Variants in LMNB1 observed in about 807,000 individuals in gnomAD.
The protein encoded by LMNB1 is lamin-B1.
Under a neutral mutation model 67.1 loss-of-function variants are expected in LMNB1, and 23 were observed. The ratio of observed to expected loss-of-function variants is 0.34; its 90% CI spans 0.25 to 0.49. LMNB1 has a LOEUF of 0.49. Among genes scored for constraint, LMNB1 ranks in the 20% least tolerant of loss-of-function variants. The pLI, the probability that LMNB1 is intolerant of heterozygous loss-of-function variation, is 0.99. For missense variants in LMNB1, 634 were observed against 746.5 expected (o/e 0.85, Z 1.76); for synonymous variants, 281 against 282.9 (o/e 0.99, Z 0.07).
chr5:126,819,593 C>T (rs1256439436), intron 6 of LMNB1, among the ~76,000 whole-genome samples: 3 of 151,796 alleles, frequency 2.0e-5, no homozygotes, highest in African/African-American at 7.3e-5. Context: ...TGGTTTCAAG[C>T]GATTTGCCTA....
chr5:126,816,802 G>A (rs573037896), intron 5 of LMNB1, among the ~76,000 whole-genome samples: 4 of 152,318 alleles, frequency 2.6e-5, no homozygotes, highest in Admixed American at 1.3e-4. Context: ...TTAAGTGCCC[G>A]TTTTGTCACA....
At chr5:126,805,032 AT>A (rs1027081710) in intron 2 of LMNB1, 100 bp downstream of exon 2, 1 of 1,074,592 alleles carries the variant, frequency 9.3e-7, no homozygotes, top group Non-Finnish European at 1.3e-6. Context: ...AATGTATTTT[AT>A]TTTTGAAATT....
chr5:126,778,285 A>G (rs1188717748), intron 1 of LMNB1, among the ~76,000 whole-genome samples: 1 of 151,992 alleles, frequency 6.6e-6, no homozygotes, highest in Non-Finnish European at 1.5e-5. Context: ...GGCGCGAGAC[A>G]AAGCGTCTAG....
chr5:126,825,783 A>G (rs1300892153), intron 8 of LMNB1, among the ~76,000 whole-genome samples: 1 of 152,188 alleles, frequency 6.6e-6, no homozygotes, highest in Non-Finnish European at 1.5e-5. Context: ...CTTATATATT[A>G]TCATCTTCAC....
At chr5:126,825,895 T>C in intron 8 of LMNB1, 93 bp from the exon 9 acceptor site, 1 of 1,544,388 alleles carries the variant, frequency 6.5e-7, no homozygotes, top group East Asian at 2.3e-5. Flanking sequence ...CTCAGACTTT[T>C]AGAATCAAGT....
chr5:126,809,210 CAG>C (rs1172827481), intron 3 of LMNB1, among the ~76,000 whole-genome samples: 4 of 152,160 alleles, frequency 2.6e-5, no homozygotes, highest in Admixed American at 6.5e-5. Flanking sequence ...TTCCTTAAAA[CAG>C]AGTAAAGGAA....
chr5:126,812,737 T>C (rs1310755915), intron 5 of LMNB1, among the ~76,000 whole-genome samples: 1 of 138,426 alleles, frequency 7.2e-6, no homozygotes, highest in Non-Finnish European at 1.6e-5. Context: ...TTTTTTTTTT[T>C]TTTTTCTTTT....
rs892127611 is a variant in LMNB1, at chr5:126,777,856, G to C, written c.348G>C (p.Gln116His). 4 of 1,434,438 alleles carry C rather than the reference G, an allele frequency of 2.8e-6. No homozygotes were observed. The African/African-American group carries it at 5.9e-5, about 21-fold the overall frequency. 88.9% of individuals were successfully genotyped at this position (1,434,438 alleles called of 1,614,324 possible). ...ELGKCKAEHD[Q>H]LLLNYAKKES... ...GCAAGTGCAAGGCGGAACACGACCA[G>C]CTGCTCCTCAAGTGAGTGCTAGCTG... The change falls in exon 1 of 11, where the codon CAG (glutamine) becomes CAC (histidine). Residue 116 changes from glutamine to histidine, a missense_variant. Gln to His is a conservative substitution (Grantham distance 24, BLOSUM62 0). Transcript: ENST00000261366.
chr5:126,805,149 G>A (rs1437503332), intron 2 of LMNB1, among the ~76,000 whole-genome samples: 1 of 152,180 alleles, frequency 6.6e-6, no homozygotes, highest in Non-Finnish European at 1.5e-5. Context: ...GCCAGATCTT[G>A]TGGTTCCCTT....
intron 1 of LMNB1, among the ~76,000 whole-genome samples, chr5:126,789,525 C>A (rs895770210): frequency 5.9e-5 from 9 of 152,178 alleles, no homozygotes; most frequent in Non-Finnish European, 1.2e-4. Context: ...CCTAAAAGTT[C>A]TTTCCCTACA....
At chr5:126,793,508 T>C (rs557237549) in intron 1 of LMNB1, among the ~76,000 whole-genome samples, 1 of 152,360 alleles carries the variant, frequency 6.6e-6, no homozygotes, top group East Asian at 1.9e-4. Flanking sequence ...CTATCCTTTG[T>C]AACTTTGAGT....
At chr5:126,813,151 G>A (rs993397371) in intron 5 of LMNB1, among the ~76,000 whole-genome samples, 1 of 152,212 alleles carries the variant, frequency 6.6e-6, no homozygotes, top group African/African-American at 2.4e-5. Flanking sequence ...AGCAGAAAAT[G>A]AGTCCCATAA....
At chr5:126,785,738 G>GCCTT (rs1561734666) in intron 1 of LMNB1, among the ~76,000 whole-genome samples, 21 of 96,226 alleles carry the variant, frequency 2.2e-4, no homozygotes, top group Non-Finnish European at 3.9e-4. Context: ...CTTAGGTTGG[G>GCCTT]ACCAGCGGCT....
chr5:126,804,848 G>T lies in LMNB1; in HGVS notation c.432G>T (p.Ser144=). 3 of 1,614,018 alleles carry T rather than the reference G, an allele frequency of 1.9e-6. No homozygotes were observed. Among genetic ancestry groups the T allele is most frequent in the Non-Finnish European group, 2.5e-6 (3 of 1,179,956 alleles). ...KLREYEAALN[S]KDAALATALG... ...GAGAATATGAAGCAGCACTGAATTC[G>T]AAAGATGCAGCTCTTGCTACTGCAC... Residue 144 remains serine (S), a synonymous_variant, in exon 2 of 11, where the codon TCG becomes TCT. Coordinates refer to ENST00000261366, the MANE Select transcript of LMNB1 (RefSeq NM_005573.4).
chr5:126,793,767 T>C (rs1751023274), intron 1 of LMNB1, among the ~76,000 whole-genome samples: 1 of 151,840 alleles, frequency 6.6e-6, no homozygotes, highest in African/African-American at 2.4e-5. Flanking sequence ...TCCTAGCTAC[T>C]CAGGAGGCTG....
Position 126,832,682 on chromosome 5 carries a change from T to C in LMNB1, c.1612-12T>C, listed in dbSNP as rs1382758418. ...AAGTGTGTTTTTTAACTTAAACTACTATTGTTTTTAGGAGGTTGCTCAAAG... is the reference window on the plus strand; with the variant it reads ...AAGTGTGTTTTTTAACTTAAACTACCATTGTTTTTAGGAGGTTGCTCAAAG... On this transcript the variant is annotated splice_polypyrimidine_tract_variant and intron_variant, in intron 9 of 10. Transcript: ENST00000261366. The C allele has an allele frequency of 1.3e-6, 2 of 1,578,618 alleles. No individual in the cohort carries two copies. Among genetic ancestry groups the C allele is most frequent in the Non-Finnish European group, 1.7e-6 (2 of 1,148,740 alleles).
chr5:126,787,546 A>ATATATATATATATATATATATTTTTTT, intron 1 of LMNB1, among the ~76,000 whole-genome samples: 2 of 65,574 alleles, frequency 3.0e-5, no homozygotes, highest in African/African-American at 6.6e-5. Context: ...ATATATATAT[A>ATATATATATATATATATATATTTTTTT]TTTTTTTTTT....
At chr5:126,782,696 C>A (rs1435254846) in intron 1 of LMNB1, among the ~76,000 whole-genome samples, 1 of 151,780 alleles carries the variant, frequency 6.6e-6, no homozygotes, top group African/African-American at 2.4e-5. Context: ...ATTACAGGCA[C>A]CCGCCACCAC....
At chr5:126,799,279 T>C (rs1751202261) in intron 1 of LMNB1, among the ~76,000 whole-genome samples, 2 of 152,238 alleles carry the variant, frequency 1.3e-5, no homozygotes, top group Non-Finnish European at 1.5e-5. Flanking sequence ...CCCAAACTGC[T>C]GGGATTACAG....
Sources: allele counts gnomAD v4.1 joint callset (sites outside exome capture counted in the v4.1 genomes callset), GRCh38; gene constraint gnomAD v4.1.1; transcripts MANE v1.5; gene names NCBI Gene and HGNC (gene_info 2026-07-23, HGNC 2026-07-21).